ZBTB20: variants seen among roughly 807,000 people sequenced by gnomAD.
ZBTB20 encodes zinc finger and BTB domain-containing protein 20.
A neutral mutation model predicts 56.9 loss-of-function variants in ZBTB20; 9 were observed. That is an observed-to-expected ratio of 0.16 (90% CI 0.10 to 0.28). The LOEUF is 0.28. ZBTB20 is among the 10% of genes least tolerant of loss of function. The pLI is 1.00. For missense variants in ZBTB20, 655 were observed against 1,003.0 expected (o/e 0.65, Z 4.69); for synonymous variants, 417 against 420.7 (o/e 0.99, Z 0.11).
intron 3 of ZBTB20, among the ~76,000 whole-genome samples, chr3:114,917,424 G>A (rs1254188801): frequency 2.0e-5 from 3 of 152,128 alleles, no homozygotes; most frequent in African/African-American, 4.8e-5. Context: ...GCTTGTGGAT[G>A]TCTGTTAATG....
rs2076330949 is a variant in ZBTB20 at position 114,930,825 on chromosome 3, T to C, written c.-455-30483A>G. 4.2e-5 allele frequency: 12 copies of C among 289,146 alleles called. 1 individual carries two copies. In the South Asian group the frequency reaches 5.2e-4, roughly 12 times the overall value. The allele number at this position is 289,146 out of a possible 1,614,324, so 17.9% of individuals were successfully genotyped here. A position where few individuals can be genotyped will look rare whatever the true frequency, so the allele number is the denominator to read the frequency against. On this transcript the variant is annotated intron_variant, in intron 3 of 11. Coordinates refer to ENST00000675478, the MANE Select transcript of ZBTB20 (RefSeq NM_001348800.3). ...TTAGCAGTGTAGGACACGGAGAGAC[T>C]GTGGAGTTTGATGATGTTGCAGCAG...
At chr3:114,662,785 A>T (rs959853663) in intron 6 of ZBTB20, among the ~76,000 whole-genome samples, 3 of 151,548 alleles carry the variant, frequency 2.0e-5, no homozygotes, top group Non-Finnish European at 4.4e-5. Context: ...GTTTGAGTTC[A>T]TTGTAGATTC....
At chr3:114,746,005 C>T (rs1385027815) in intron 5 of ZBTB20, among the ~76,000 whole-genome samples, 1 of 152,154 alleles carries the variant, frequency 6.6e-6, no homozygotes, top group Non-Finnish European at 1.5e-5. Flanking sequence ...AACACTGGGC[C>T]TATGGCGTAA....
At chr3:115,079,146 T>C (rs951153800) in intron 1 of ZBTB20, among the ~76,000 whole-genome samples, 6 of 152,136 alleles carry the variant, frequency 3.9e-5, no homozygotes, top group Admixed American at 2.6e-4. Flanking sequence ...TAAGAAAATA[T>C]GGTAAAGTTG....
At chr3:114,437,607 T>C (rs1681309250) in intron 7 of ZBTB20, among the ~76,000 whole-genome samples, 1 of 152,118 alleles carries the variant, frequency 6.6e-6, no homozygotes, top group Non-Finnish European at 1.5e-5. Context: ...TTATTAGTAA[T>C]AGGAAGTATT....
Position 115,115,313 on chromosome 3 carries a change from CTATG to C in ZBTB20, c.-703+31902_-703+31905del, listed in dbSNP as rs756283739. On this transcript the variant is annotated intron_variant, in intron 1 of 11. Transcript: ENST00000675478. ...AATCGACCACTCCAATATTCTAAAACTATGTAACTATAGATAACATAGATTTTCA... is the reference window on the plus strand; with the variant it reads ...AATCGACCACTCCAATATTCTAAAACTAACTATAGATAACATAGATTTTCA... Among the ~76,000 whole-genome samples the C allele has an allele frequency of 2.9e-3, 441 of 152,140 alleles. 7 individuals are homozygous for C. Among genetic ancestry groups the C allele is most frequent in the Non-Finnish European group, 3.5e-3 (241 of 67,922 alleles).
At chr3:115,037,036 G>C (rs1457504472) in intron 2 of ZBTB20, among the ~76,000 whole-genome samples, 1 of 152,044 alleles carries the variant, frequency 6.6e-6, no homozygotes, top group African/African-American at 2.4e-5. Context: ...TGATTCAAAT[G>C]GACAACAGAG....
intron 2 of ZBTB20, among the ~76,000 whole-genome samples, chr3:115,038,493 A>G (rs1403008447): frequency 1.3e-5 from 2 of 152,092 alleles, no homozygotes; most frequent in Non-Finnish European, 2.9e-5. Context: ...CATACTTCAT[A>G]CTCTTATGCA....
intron 5 of ZBTB20, among the ~76,000 whole-genome samples, chr3:114,784,240 A>G (rs143212288): frequency 2.1e-3 from 318 of 152,314 alleles, no homozygotes; most frequent in African/African-American, 6.6e-3. Context: ...TAACAGAGTA[A>G]AATACTAACT....
chr3:115,051,627 T>C (rs941667267), intron 2 of ZBTB20, among the ~76,000 whole-genome samples: 1 of 152,232 alleles, frequency 6.6e-6, no homozygotes, highest in African/African-American at 2.4e-5. Flanking sequence ...GAAATCATTC[T>C]AGAAATGCTG....
chr3:114,605,725 A>G (rs1020195482), intron 6 of ZBTB20, among the ~76,000 whole-genome samples: 4 of 152,212 alleles, frequency 2.6e-5, no homozygotes, highest in African/African-American at 7.2e-5. Flanking sequence ...GAGGCTCAAT[A>G]ACAAGTTTTG....
intron 7 of ZBTB20, among the ~76,000 whole-genome samples, chr3:114,482,301 A>T (rs9825669): frequency 9.8e-4 from 150 of 152,286 alleles, no homozygotes; most frequent in Non-Finnish European, 1.9e-3. Context: ...AGCTCAGAAG[A>T]CAACACTGAG....
chr3:114,887,897 T>TA (rs1399492168), intron 4 of ZBTB20, among the ~76,000 whole-genome samples: 1 of 151,750 alleles, frequency 6.6e-6, no homozygotes, highest in Non-Finnish European at 1.5e-5. Context: ...TAAGGACAAA[T>TA]AAAAATCAAT....
chr3:114,830,033 T>C (rs1484718230), intron 4 of ZBTB20, among the ~76,000 whole-genome samples: 2 of 151,938 alleles, frequency 1.3e-5, no homozygotes, highest in Non-Finnish European at 2.9e-5. Context: ...TTCATACTCA[T>C]TAAAATGTAT....
At chr3:114,764,150 G>A (rs2068622775) in intron 5 of ZBTB20, among the ~76,000 whole-genome samples, 1 of 151,960 alleles carries the variant, frequency 6.6e-6, no homozygotes, top group South Asian at 2.1e-4. Context: ...TGTTATGCAT[G>A]AGCTTTCAGA....
intron 5 of ZBTB20, among the ~76,000 whole-genome samples, chr3:114,786,604 T>C (rs2070513230): frequency 6.8e-6 from 1 of 147,816 alleles, no homozygotes. Context: ...TAGATCTTTT[T>C]CCTGTGGAAA....
intron 6 of ZBTB20, among the ~76,000 whole-genome samples, chr3:114,566,045 A>C (rs2052704773): frequency 7.1e-6 from 1 of 141,590 alleles, no homozygotes; most frequent in African/African-American, 2.7e-5. Context: ...CCCCCTACCG[A>C]CCCCCGAAAG....
intron 2 of ZBTB20, among the ~76,000 whole-genome samples, chr3:115,058,634 C>A (rs1336544731): frequency 6.6e-6 from 1 of 152,096 alleles, no homozygotes; most frequent in East Asian, 1.9e-4. Context: ...GAGGTTGAGG[C>A]AGGAGAATCA....
At chr3:114,946,479 A>G (rs1193805347) in intron 3 of ZBTB20, among the ~76,000 whole-genome samples, 3 of 145,588 alleles carry the variant, frequency 2.1e-5, no homozygotes, top group Admixed American at 6.6e-5. Flanking sequence ...TAGAAACACA[A>G]ATTTCAAAGA....
Sources: gnomAD v4.1 joint callset for allele counts (sites outside exome capture counted in the v4.1 genomes callset) on GRCh38, gnomAD v4.1.1 for gene constraint, MANE v1.5 for transcripts, NCBI Gene and HGNC (gene_info 2026-07-23, HGNC 2026-07-21) for gene names.